The following CDH12 variants were observed in gnomAD, a reference collection of about 807,000 sequenced individuals.
CDH12 encodes the protein cadherin-12.
CDH12 carries 41 observed loss-of-function variants against 74.1 expected under a neutral mutation model. The ratio of observed to expected loss-of-function variants is 0.55; its 90% CI spans 0.43 to 0.72. CDH12 has a LOEUF of 0.72. CDH12 is among the 30% of genes least tolerant of loss of function. The probability of loss-of-function intolerance (pLI) is 0.00; values close to 1 mark genes in which losing one functional copy is unlikely to be tolerated. For missense variants in CDH12, 945 were observed against 977.2 expected (o/e 0.97, Z 0.44); for synonymous variants, 399 against 355.0 (o/e 1.12, Z -1.39).
chr5:22,241,617 A>G (rs940596483), intron 3 of CDH12, among the ~76,000 whole-genome samples: 1 of 152,106 alleles, frequency 6.6e-6, no homozygotes, highest in African/African-American at 2.4e-5. Context: ...TTAAGCTAAA[A>G]CTAAATCTTA....
chr5:22,482,660 A>G (rs372155263), intron 2 of CDH12, among the ~76,000 whole-genome samples: 45 of 152,308 alleles, frequency 3.0e-4, no homozygotes, highest in African/African-American at 2.4e-4. Flanking sequence ...TCAGCATAAG[A>G]GAATAGTGGA....
At chr5:21,827,524 C>A (rs1362863934) in intron 8 of CDH12, among the ~76,000 whole-genome samples, 1 of 152,094 alleles carries the variant, frequency 6.6e-6, no homozygotes, top group African/African-American at 2.4e-5. Context: ...CCAATTCTTC[C>A]TTTCTTCTTA....
At chr5:22,287,902 C>T (rs555559645) in intron 3 of CDH12, among the ~76,000 whole-genome samples, 1 of 152,004 alleles carries the variant, frequency 6.6e-6, no homozygotes, top group African/African-American at 2.4e-5. Flanking sequence ...GAAGGGTGTC[C>T]ATTTCCTTTT....
chr5:22,663,189 C>A (rs1361717242), intron 1 of CDH12, among the ~76,000 whole-genome samples: 2 of 151,442 alleles, frequency 1.3e-5, no homozygotes, highest in Non-Finnish European at 2.9e-5. Context: ...CTATGAGAAC[C>A]AGTTAAAAGA....
intron 2 of CDH12, among the ~76,000 whole-genome samples, chr5:22,428,212 C>T (rs200963166): frequency 0.17 from 2,767 of 16,346 alleles, 34 homozygotes; most frequent in African/African-American, 0.2. Context: ...TATATACACA[C>T]ACACACACAC....
At chr5:22,341,218 C>G (rs1180232839) in intron 3 of CDH12, among the ~76,000 whole-genome samples, 3 of 152,104 alleles carry the variant, frequency 2.0e-5, no homozygotes, top group Non-Finnish European at 2.9e-5. Flanking sequence ...ATGGTCAGGC[C>G]AGGTGCAGTA....
At chr5:21,991,083 T>G (rs1358702837) in intron 5 of CDH12, among the ~76,000 whole-genome samples, 1 of 151,734 alleles carries the variant, frequency 6.6e-6, no homozygotes, top group African/African-American at 2.4e-5. Flanking sequence ...TGTATTACCC[T>G]GAATGCATTA....
chr5:22,337,506 T>C (rs980283791), intron 3 of CDH12, among the ~76,000 whole-genome samples: 2 of 152,140 alleles, frequency 1.3e-5, no homozygotes, highest in Non-Finnish European at 1.5e-5. Context: ...TTTCCCATGC[T>C]GGTCTCATGA....
At chr5:21,866,563 G>A (rs1751338462) in intron 6 of CDH12, among the ~76,000 whole-genome samples, 1 of 152,156 alleles carries the variant, frequency 6.6e-6, no homozygotes, top group Admixed American at 6.5e-5. Context: ...GAACTTGAGA[G>A]AGATGATTTA....
At chr5:22,460,860 A>C (rs1194330414) in intron 2 of CDH12, among the ~76,000 whole-genome samples, 1 of 148,162 alleles carries the variant, frequency 6.7e-6, no homozygotes, top group African/African-American at 2.5e-5. Flanking sequence ...AGCTGGGATT[A>C]CAGGCGCCTG....
At chr5:22,845,677 C>A (rs75959431) in intron 1 of CDH12, among the ~76,000 whole-genome samples, 7,703 of 152,128 alleles carry the variant, frequency 0.051, 306 homozygotes, top group South Asian at 0.18. Flanking sequence ...GATGTAATGA[C>A]AATAAAACCA....
At chr5:22,825,151 C>T (rs1160802424) in intron 1 of CDH12, among the ~76,000 whole-genome samples, 2 of 151,948 alleles carry the variant, frequency 1.3e-5, no homozygotes, top group African/African-American at 4.8e-5. Context: ...TACTAGGAGC[C>T]ATGTGTAGTT....
chr5:22,119,414 C>A (rs989066853), intron 4 of CDH12, among the ~76,000 whole-genome samples: 5 of 151,652 alleles, frequency 3.3e-5, no homozygotes. Flanking sequence ...TTCAGCCTCC[C>A]AAGTAGCTGG....
chr5:22,042,254 A>G (rs1300041457), intron 5 of CDH12, among the ~76,000 whole-genome samples: 5 of 152,108 alleles, frequency 3.3e-5, no homozygotes, highest in Admixed American at 1.3e-4. Flanking sequence ...AAGGAATTAG[A>G]AAAACAGAAA....
intron 3 of CDH12, among the ~76,000 whole-genome samples, chr5:22,337,308 T>C (rs114881760): frequency 0.043 from 6,545 of 152,120 alleles, 186 homozygotes; most frequent in Middle Eastern, 0.071. Flanking sequence ...CTGAAATGAG[T>C]TGAGACTTTG....
intron 3 of CDH12, among the ~76,000 whole-genome samples, chr5:22,363,097 A>T (rs1342390638): frequency 6.6e-6 from 1 of 152,142 alleles, no homozygotes; most frequent in Non-Finnish European, 1.5e-5. Context: ...CAAATTTATT[A>T]TACTACAGAA....
intron 2 of CDH12, among the ~76,000 whole-genome samples, chr5:22,489,855 T>C (rs1170255940): frequency 6.6e-6 from 1 of 151,962 alleles, no homozygotes; most frequent in African/African-American, 2.4e-5. Flanking sequence ...AATTTTAAAA[T>C]TTTTCTGTAG....
At chr5:22,757,294 T>A (rs1745976351) in intron 1 of CDH12, among the ~76,000 whole-genome samples, 1 of 152,234 alleles carries the variant, frequency 6.6e-6, no homozygotes, top group Non-Finnish European at 1.5e-5. Flanking sequence ...GTTGGTCACA[T>A]GAAACATAAT....
In CDH12 at chr5:22,057,970, T is replaced by C. The variant is rs543127954; in HGVS notation, c.231+20476A>G. On this transcript the variant is annotated intron_variant, in intron 5 of 14. Transcript: ENST00000382254. The stretch of plus-strand genomic sequence containing the variant: ...GTTTCAACCATTTCTTATTATCTGG[T>C]TTATTTTCAAAGTTTAGTTTTCCTT... 1.6e-4 allele frequency among the ~76,000 whole-genome samples: 24 copies of C among 152,234 alleles called. No individual in the cohort carries two copies. In the South Asian group the frequency reaches 4.8e-3, roughly 30 times the overall value.
Sources: allele counts gnomAD v4.1 joint callset (sites outside exome capture counted in the v4.1 genomes callset), GRCh38; gene constraint gnomAD v4.1.1; transcripts MANE v1.5; gene names NCBI Gene and HGNC (gene_info 2026-07-23, HGNC 2026-07-21).